The following WDR19 variants were observed in gnomAD, a reference collection of about 807,000 sequenced individuals.
The protein encoded by WDR19 is WD repeat domain 19, also known as WD repeat-containing protein 19.
Under a neutral mutation model 180.0 loss-of-function variants are expected in WDR19, and 121 were observed. The ratio of observed to expected loss-of-function variants is 0.67; its 90% confidence interval spans 0.58 to 0.78. The LOEUF (loss-of-function observed/expected upper bound fraction) is 0.78. Among genes scored for constraint, WDR19 ranks in the 30% least tolerant of loss-of-function variants. The pLI, the probability that WDR19 is intolerant of heterozygous loss-of-function variation, is 0.00. For missense variants in WDR19, 1,450 were observed against 1,640.7 expected, an observed-to-expected ratio of 0.88 and a Z score of 2.01; for synonymous variants, 497 against 540.7, an observed-to-expected ratio of 0.92 and a Z score of 1.12.
At chr4:39,252,313 A>T (rs1384821199) in intron 24 of WDR19, among the ~76,000 whole-genome samples, 99 of 141,088 alleles carry the variant, frequency 7.0e-4, no homozygotes, top group African/African-American at 2.5e-3. Context: ...AACAATGAGA[A>T]CACATAGACA....
intron 4 of WDR19, among the ~76,000 whole-genome samples, chr4:39,192,619 G>A (rs187143157): frequency 1.3e-5 from 2 of 152,148 alleles, no homozygotes; most frequent in African/African-American, 2.4e-5. Flanking sequence ...CCACCACCAC[G>A]CCCAGCTAAA....
At chr4:39,232,944 T>A (rs1427256709) in intron 19 of WDR19, among the ~76,000 whole-genome samples, 1 of 152,192 alleles carries the variant, frequency 6.6e-6, no homozygotes, top group African/African-American at 2.4e-5. Flanking sequence ...CTAATTGAAA[T>A]CTAAATGTGT....
At chr4:39,283,522 TATTTC>T (rs1362103366) in intron 36 of WDR19, among the ~76,000 whole-genome samples, 2 of 152,184 alleles carry the variant, frequency 1.3e-5, no homozygotes, top group Non-Finnish European at 2.9e-5. Context: ...TATTTTTTCG[TATTTC>T]ATTTGATTCT....
chr4:39,211,260 G>A (rs1485338259), intron 9 of WDR19, among the ~76,000 whole-genome samples: 2 of 152,038 alleles, frequency 1.3e-5, no homozygotes, highest in African/African-American at 2.4e-5. Context: ...CGGAATGCTC[G>A]TCCCTTAAGA....
At chr4:39,216,850 C>A (rs1283807289) in intron 12 of WDR19, among the ~76,000 whole-genome samples, 1 of 152,136 alleles carries the variant, frequency 6.6e-6, no homozygotes, top group Non-Finnish European at 1.5e-5. Flanking sequence ...TTTCTTGCAA[C>A]TTAAGGTTTA....
chr4:39,271,386 A>G (rs557259563), intron 31 of WDR19, among the ~76,000 whole-genome samples: 1 of 152,302 alleles, frequency 6.6e-6, no homozygotes, highest in African/African-American at 2.4e-5. Flanking sequence ...GATCCTGCAA[A>G]CATCAAGTAC....
At chr4:39,281,236 T>TATATAGAGAGAGAG (rs762298152) in intron 36 of WDR19, among the ~76,000 whole-genome samples, 163 of 103,964 alleles carry the variant, frequency 1.6e-3, no homozygotes, top group African/African-American at 6.3e-3. Context: ...TATATATATA[T>TATATAGAGAGAGAG]AGAGAGAGAG....
intron 4 of WDR19, among the ~76,000 whole-genome samples, chr4:39,191,245 A>G (rs895057778): frequency 6.6e-6 from 1 of 152,198 alleles, no homozygotes; most frequent in African/African-American, 2.4e-5. Flanking sequence ...AATCTGTTAC[A>G]CTAGCTAGTT....
At chr4:39,194,133 T>C (rs3821992) in intron 4 of WDR19, among the ~76,000 whole-genome samples, 132,383 of 152,218 alleles carry the variant, frequency 0.87, 57,658 homozygotes, top group Admixed American at 0.9. Flanking sequence ...TTTAAAGTCA[T>C]GAATTCCCAA....
chr4:39,226,295 T>C (rs1730242803), intron 15 of WDR19, among the ~76,000 whole-genome samples: 1 of 152,236 alleles, frequency 6.6e-6, no homozygotes, highest in African/African-American at 2.4e-5. Context: ...CAGTTCTCTT[T>C]TTCTTGATAA....
intron 20 of WDR19, 33 bp from the exon 21 acceptor site, chr4:39,240,244 A>G (rs1731789063): frequency 1.7e-6 from 2 of 1,179,942 alleles, no homozygotes; most frequent in Non-Finnish European, 2.2e-6. Context: ...TATATATTAA[A>G]ATTATTAAAA....
intron 9 of WDR19, among the ~76,000 whole-genome samples, chr4:39,209,100 T>C (rs2109309019): frequency 6.6e-6 from 1 of 152,244 alleles, no homozygotes; most frequent in East Asian, 1.9e-4. Context: ...CACAATAGAC[T>C]ACCCTGGCTC....
At position 39,189,678 on chromosome 4, in the gene WDR19, G is replaced by A. The variant is rs1725942800; in HGVS notation, c.187G>A (p.Asp63Asn). The A allele has an allele frequency of 3.7e-6, 6 of 1,604,100 alleles. No homozygotes were observed. Among genetic ancestry groups the A allele is most frequent in the Middle Eastern group, 1.7e-4 (1 of 6,038 alleles). ...LPGNCVAMDW[D>N]KDGDVLAVIA... ...AAGTAACTGTGTTGCCATGGATTGG[G>A]ATAAAGATGGAGATGTCCTAGCAGT... Residue 63 changes from aspartate to asparagine, a missense_variant, in exon 4 of 37, where the codon GAT becomes AAT. By Grantham distance (23) the Asp-to-Asn change is conservative. Coordinates refer to ENST00000399820, the MANE Select transcript of WDR19 (RefSeq NM_025132.4).
chr4:39,276,236 G>T (rs1459233770), intron 33 of WDR19, among the ~76,000 whole-genome samples: 1 of 152,168 alleles, frequency 6.6e-6, no homozygotes, highest in African/African-American at 2.4e-5. Context: ...GCTCTAAGCT[G>T]GATGGGAGTA....
chr4:39,262,268 C>T (rs933275614), intron 28 of WDR19, among the ~76,000 whole-genome samples: 8 of 152,106 alleles, frequency 5.3e-5, no homozygotes, highest in South Asian at 2.1e-4. Context: ...TTTTTCCCCC[C>T]GTTTTGAGAC....
rs1392700757 is a variant in WDR19 at position 39,218,006 on chromosome 4, T to C, written c.1380T>C (p.Ala460=). ...LHLIESEILD[A]QEERETRLFP... is the part of the protein sequence containing the mutation. ...AGATAGAAAGCGAAATCTTGGATGC[T>C]CAAGAAGAACGTGAGACTCGGCTTT... Residue 460 remains alanine (A), a synonymous_variant, in exon 14 of 37, where the codon GCT becomes GCC. Coordinates refer to ENST00000399820, the MANE Select transcript of WDR19 (RefSeq NM_025132.4). 1.9e-6 allele frequency: 3 copies of C among 1,613,824 alleles called. No individual in the cohort carries two copies. The highest frequency in any genetic ancestry group is 2.2e-5 in the East Asian group (1 of 44,870).
At chr4:39,233,734 T>C (rs1340855713) in intron 19 of WDR19, among the ~76,000 whole-genome samples, 1 of 152,234 alleles carries the variant, frequency 6.6e-6, no homozygotes, top group Non-Finnish European at 1.5e-5. Context: ...TTATTTAAGA[T>C]AATTGGGACA....
chr4:39,228,246 C>G lies in WDR19; in HGVS notation c.1666C>G (p.Pro556Ala). ...TACCTATGAGATTCCAGATTTTTCA[C>G]CAACCATTAAAGGTGTTCTTTGGGA... ...DATYEIPDFS[P>A]TIKGVLWENW... Residue 556 changes from proline (P) to alanine (A), a missense_variant, in exon 16 of 37, where the codon CCA (proline) becomes GCA (alanine). Physicochemically the swap from Pro to Ala is conservative, Grantham distance 27. Coordinates refer to ENST00000399820, the MANE Select transcript of WDR19 (RefSeq NM_025132.4). The G allele has an allele frequency of 1.9e-6, 3 of 1,613,334 alleles. No homozygotes were observed. Among genetic ancestry groups the G allele is most frequent in the Non-Finnish European group, 2.5e-6 (3 of 1,179,640 alleles).
Position 39,244,292 on chromosome 4 carries a change from A to G in WDR19, c.2466A>G (p.Ile822Met), listed in dbSNP as rs772209666. ...ACLAGVAQMS[I>M]RMGDIRRGVN... ...TGGCTGGAGTGGCCCAGATGTCCAT[A>G]AGAATGGGAGACATACGTCGAGGGG... Residue 822 changes from isoleucine (I) to methionine (M), a missense_variant, in exon 22 of 37, where the codon ATA (isoleucine) becomes ATG (methionine). Coordinates refer to ENST00000399820, the MANE Select transcript of WDR19 (RefSeq NM_025132.4). 1 of 1,613,916 alleles carries G rather than the reference A, an allele frequency of 6.2e-7. No homozygotes were observed. Among genetic ancestry groups the G allele is most frequent in the Non-Finnish European group, 8.5e-7 (1 of 1,179,824 alleles).
Sources: gnomAD v4.1 joint callset for allele counts (sites outside exome capture counted in the v4.1 genomes callset) on GRCh38, gnomAD v4.1.1 for gene constraint, MANE v1.5 for transcripts, NCBI Gene and HGNC (gene_info 2026-07-23, HGNC 2026-07-21) for gene names.